Variants in PLEKHA6 observed in about 807,000 individuals in gnomAD.
The protein encoded by PLEKHA6 is pleckstrin homology domain-containing family A member 6.
In PLEKHA6, 60 loss-of-function variants were observed where a neutral mutation model predicts 116.7. The observed-to-expected ratio is 0.51, with a 90% CI of 0.42 to 0.64. PLEKHA6 has a LOEUF of 0.64. PLEKHA6 is among the 30% of genes least tolerant of loss of function. The probability of loss-of-function intolerance (pLI) is 0.00; values close to 1 mark genes in which losing one functional copy is unlikely to be tolerated. For missense variants in PLEKHA6, 1,338 were observed against 1,422.7 expected (o/e 0.94, Z 0.96); for synonymous variants, 489 against 556.1 (o/e 0.88, Z 1.70).
intron 1 of PLEKHA6, among the ~76,000 whole-genome samples, chr1:204,340,991 C>T (rs922863809): frequency 1.3e-5 from 2 of 152,244 alleles, no homozygotes; most frequent in South Asian, 4.1e-4. Flanking sequence ...CCCAACTCTT[C>T]TCCCAGGGAT....
At chr1:204,273,310 T>A (rs1667669652) in intron 3 of PLEKHA6, among the ~76,000 whole-genome samples, 1 of 152,186 alleles carries the variant, frequency 6.6e-6, no homozygotes, top group African/African-American at 2.4e-5. Flanking sequence ...TGGCATTTAG[T>A]GGGCAGAGGC....
At chr1:204,242,462 C>G (rs1662964629) in intron 15 of PLEKHA6, among the ~76,000 whole-genome samples, 1 of 152,192 alleles carries the variant, frequency 6.6e-6, no homozygotes, top group South Asian at 2.1e-4. Flanking sequence ...CCCATCTCAC[C>G]AGGCAAACAC....
intron 9 of PLEKHA6, among the ~76,000 whole-genome samples, chr1:204,255,303 C>T (rs1201392946): frequency 6.6e-6 from 1 of 152,166 alleles, no homozygotes; most frequent in Non-Finnish European, 1.5e-5. Flanking sequence ...CTGCGACTCC[C>T]TCCTCTCGCC....
At chr1:204,344,232 G>A (rs1558192933) in intron 1 of PLEKHA6, among the ~76,000 whole-genome samples, 1 of 152,194 alleles carries the variant, frequency 6.6e-6, no homozygotes, top group Non-Finnish European at 1.5e-5. Flanking sequence ...TCCCTGACCT[G>A]TTCTCTCCTG....
intron 1 of PLEKHA6, among the ~76,000 whole-genome samples, chr1:204,325,457 G>GT (rs1672208993): frequency 6.6e-6 from 1 of 152,158 alleles, no homozygotes; most frequent in Non-Finnish European, 1.5e-5. Context: ...AAGAACTCAC[G>GT]TAAATAAATA....
At chr1:204,351,176 G>A (rs1251086873) in intron 1 of PLEKHA6, among the ~76,000 whole-genome samples, 2 of 152,208 alleles carry the variant, frequency 1.3e-5, no homozygotes, top group East Asian at 1.9e-4. Context: ...TGGCAGGACT[G>A]GCCCAGGCAG....
chr1:204,289,051 A>G (rs1302968095), intron 1 of PLEKHA6, among the ~76,000 whole-genome samples: 2 of 152,212 alleles, frequency 1.3e-5, no homozygotes, highest in Non-Finnish European at 2.9e-5. Context: ...GACACATGCA[A>G]ATCTATGCAG....
intron 1 of PLEKHA6, among the ~76,000 whole-genome samples, chr1:204,325,175 G>A (rs1378467462): frequency 6.6e-6 from 1 of 152,156 alleles, no homozygotes; most frequent in Admixed American, 6.5e-5. Flanking sequence ...TGAGAGATAG[G>A]AAAGTCTAGT....
chr1:204,373,113 A>T (rs1673807340), intron 1 of PLEKHA6, among the ~76,000 whole-genome samples: 1 of 125,620 alleles, frequency 8.0e-6, no homozygotes, highest in Non-Finnish European at 1.6e-5. Context: ...TTTTTGAGAT[A>T]GAGTATCACT....
At chr1:204,348,181 C>T (rs915973394) in intron 1 of PLEKHA6, among the ~76,000 whole-genome samples, 3 of 152,180 alleles carry the variant, frequency 2.0e-5, no homozygotes, top group Middle Eastern at 3.2e-3. Context: ...GGAAATGCTG[C>T]TTAAAGCAGT....
chr1:204,253,507 G>T lies in PLEKHA6; in HGVS notation c.1525-2893C>A, dbSNP rs1022977073. Reference sequence around the variant, plus strand: ...ACTGCACTCCAGCCTGGGTGAAAGGGCGAGACTCCTTCTCAAAAAAAAGAG... The same window carrying T: ...ACTGCACTCCAGCCTGGGTGAAAGGTCGAGACTCCTTCTCAAAAAAAAGAG... On this transcript the variant is annotated intron_variant, in intron 9 of 22. Coordinates refer to ENST00000272203, the MANE Select transcript of PLEKHA6 (RefSeq NM_014935.5). Among the ~76,000 whole-genome samples the T allele has an allele frequency of 7.9e-5, 12 of 152,220 alleles. No individual in the cohort carries two copies. In the South Asian group the frequency reaches 8.3e-4, roughly 11 times the overall value.
At chr1:204,287,631 T>C (rs1669334161) in intron 1 of PLEKHA6, among the ~76,000 whole-genome samples, 1 of 152,026 alleles carries the variant, frequency 6.6e-6, no homozygotes, top group Admixed American at 6.5e-5. Flanking sequence ...CTCTGCTAAG[T>C]AAAAGGATAA....
In PLEKHA6 at chr1:204,250,543, T is replaced by G. The variant is rs1167264334; in HGVS notation, c.1593+3A>C. 1.9e-6 allele frequency: 3 copies of G among 1,610,004 alleles called. No homozygotes were observed. Among genetic ancestry groups the G allele is most frequent in the Admixed American group, 3.3e-5 (2 of 59,992 alleles). ...GGGAGGGAGCAGGGGGCGCTGCTCT[T>G]ACATCTGTGTCTTGCTCGTTTAACT... On this transcript the variant is annotated splice_donor_region_variant and intron_variant, in intron 10 of 22. Transcript: ENST00000272203.
chr1:204,377,505 C>A (rs933931028), intron 1 of PLEKHA6: 2 of 152,364 alleles, frequency 1.3e-5, no homozygotes, highest in Admixed American at 1.3e-4. Flanking sequence ...CTCCGGCCTG[C>A]CCCCAGCCCC....
At chr1:204,246,997 A>G (rs377009731) in intron 13 of PLEKHA6, among the ~76,000 whole-genome samples, 1 of 152,122 alleles carries the variant, frequency 6.6e-6, no homozygotes, top group Admixed American at 6.5e-5. Flanking sequence ...CTAGCCAAGC[A>G]TGGTGGTTCA....
intron 17 of PLEKHA6, among the ~76,000 whole-genome samples, chr1:204,233,316 T>C (rs1661473061): frequency 1.3e-5 from 2 of 150,304 alleles, no homozygotes; most frequent in Admixed American, 1.3e-4. Context: ...GGCTAGGATA[T>C]AGGTATGCAC....
intron 1 of PLEKHA6, among the ~76,000 whole-genome samples, chr1:204,302,639 G>A (rs561109386): frequency 5.0e-4 from 76 of 152,280 alleles, no homozygotes; most frequent in Non-Finnish European, 9.8e-4. Context: ...CACTTTGGGA[G>A]GCCGAGGCGG....
At chr1:204,297,668 A>C (rs1012357216) in intron 1 of PLEKHA6, among the ~76,000 whole-genome samples, 1 of 152,128 alleles carries the variant, frequency 6.6e-6, no homozygotes, top group African/African-American at 2.4e-5. Context: ...GGATTAAGTG[A>C]CTTAATTCAC....
intron 17 of PLEKHA6, among the ~76,000 whole-genome samples, chr1:204,234,240 C>A (rs1194234705): frequency 6.6e-6 from 1 of 152,148 alleles, no homozygotes; most frequent in African/African-American, 2.4e-5. Context: ...GCATCTACAA[C>A]CCAAGGAATG....
Sources: allele counts gnomAD v4.1 joint callset (sites outside exome capture counted in the v4.1 genomes callset), GRCh38; gene constraint gnomAD v4.1.1; transcripts MANE v1.5; gene names NCBI Gene and HGNC (gene_info 2026-07-23, HGNC 2026-07-21).